ICA1: variants seen among roughly 807,000 people sequenced by gnomAD.
ICA1 encodes the protein islet cell autoantigen 1.
ICA1 carries 40 observed loss-of-function variants against 71.0 expected under a neutral mutation model. That is an observed-to-expected ratio of 0.56 (90% CI 0.44 to 0.73). The LOEUF is 0.73. Among genes scored for constraint, ICA1 ranks in the 30% least tolerant of loss-of-function variants. ICA1 has a pLI of 0.00. For missense variants in ICA1, 578 were observed against 576.5 expected, an observed-to-expected ratio of 1.00 and a Z score of -0.03; for synonymous variants, 207 against 209.5, an observed-to-expected ratio of 0.99 and a Z score of 0.10.
Position 8,198,990 on chromosome 7 carries a change from A to C in ICA1, c.579+19315T>G, listed in dbSNP as rs1788621901. On this transcript the variant is annotated intron_variant, in intron 6 of 13. Transcript: ENST00000402384. ...AGAAATGGCAAACAGGCATACAAAAAAGTGCTCAACATCGTTCATCATCAG... is the reference window on the plus strand; with the variant it reads ...AGAAATGGCAAACAGGCATACAAAACAGTGCTCAACATCGTTCATCATCAG... Among the ~76,000 whole-genome samples, 2 of 152,254 alleles carry C rather than the reference A, an allele frequency of 1.3e-5. 1 individual carries two copies. Among genetic ancestry groups the C allele is most frequent in the South Asian group, 4.1e-4 (2 of 4,834 alleles).
intron 9 of ICA1, among the ~76,000 whole-genome samples, chr7:8,143,341 T>C (rs1795845674): frequency 6.6e-6 from 1 of 152,242 alleles, no homozygotes; most frequent in Non-Finnish European, 1.5e-5. Flanking sequence ...TACTTGAAGC[T>C]GTTCTCTGTT....
At chr7:8,147,158 C>A (rs1483521742) in intron 8 of ICA1, among the ~76,000 whole-genome samples, 5 of 152,080 alleles carry the variant, frequency 3.3e-5, no homozygotes, top group Non-Finnish European at 7.4e-5. Context: ...TTGCCTAAAC[C>A]CCTGACATGC....
intron 1 of ICA1, among the ~76,000 whole-genome samples, chr7:8,247,124 C>T (rs1025680466): frequency 2.7e-5 from 4 of 150,322 alleles, no homozygotes; most frequent in African/African-American, 9.8e-5. Context: ...CTACAGCAAT[C>T]GTCCCACTTG....
chr7:8,115,621 A>T (rs1784547796), intron 13 of ICA1, among the ~76,000 whole-genome samples: 1 of 152,182 alleles, frequency 6.6e-6, no homozygotes, highest in Non-Finnish European at 1.5e-5. Flanking sequence ...AGCAGGTGCA[A>T]CTTATTTGCA....
chr7:8,217,245 C>T lies in ICA1; in HGVS notation c.579+1060G>A, dbSNP rs191742096. ...TCTGCGATCAGAAATAAAATGGACCCTGCTTTCTCTTCAGAGGGAAGGGTT... is the reference window on the plus strand; with the variant it reads ...TCTGCGATCAGAAATAAAATGGACCTTGCTTTCTCTTCAGAGGGAAGGGTT... On this transcript the variant is annotated intron_variant, in intron 6 of 13. Coordinates refer to ENST00000402384, the MANE Select transcript of ICA1 (RefSeq NM_001136020.3). Among the ~76,000 whole-genome samples the T allele has an allele frequency of 1.4e-4, 21 of 152,268 alleles. No individual in the cohort carries two copies. In the East Asian group the frequency reaches 3.7e-3, roughly 27 times the overall value.
At chr7:8,119,794 C>T (rs1051243871) in intron 13 of ICA1, among the ~76,000 whole-genome samples, 3 of 152,028 alleles carry the variant, frequency 2.0e-5, no homozygotes, top group African/African-American at 4.8e-5. Context: ...TGCAGTGAGC[C>T]GAGATCGTGC....
intron 1 of ICA1, among the ~76,000 whole-genome samples, chr7:8,257,158 C>A (rs1470836276): frequency 6.6e-6 from 1 of 152,220 alleles, no homozygotes; most frequent in African/African-American, 2.4e-5. Context: ...CAATATAGTG[C>A]TACTGTGCAC....
At chr7:8,140,893 G>A (rs1016758086) in intron 10 of ICA1, among the ~76,000 whole-genome samples, 2 of 152,176 alleles carry the variant, frequency 1.3e-5, no homozygotes, top group East Asian at 1.9e-4. Context: ...CAGAGGAGAA[G>A]TTCTAGAATC....
At chr7:8,246,069 C>G (rs576788353) in intron 1 of ICA1, among the ~76,000 whole-genome samples, 5 of 152,136 alleles carry the variant, frequency 3.3e-5, no homozygotes, top group Admixed American at 2.0e-4. Context: ...ATGAAACAAG[C>G]CCAGAAAGAA....
At chr7:8,148,365 C>A (rs1310671286) in intron 8 of ICA1, among the ~76,000 whole-genome samples, 1 of 152,112 alleles carries the variant, frequency 6.6e-6, no homozygotes, top group Non-Finnish European at 1.5e-5. Flanking sequence ...CTGTCACTCA[C>A]TGATCCACCA....
At chr7:8,224,886 C>T (rs1798137708) in intron 4 of ICA1, among the ~76,000 whole-genome samples, 1 of 152,168 alleles carries the variant, frequency 6.6e-6, no homozygotes, top group Admixed American at 6.5e-5. Context: ...CAGAATTAGA[C>T]TGTGGTTACA....
At chr7:8,122,541 T>C (rs1306988600) in intron 13 of ICA1, among the ~76,000 whole-genome samples, 2 of 152,268 alleles carry the variant, frequency 1.3e-5, no homozygotes, top group Admixed American at 1.3e-4. Context: ...TCCGTTCCAT[T>C]GCCTTGTGCT....
chr7:8,196,554 C>T (rs1045670744), intron 6 of ICA1, among the ~76,000 whole-genome samples: 1 of 152,104 alleles, frequency 6.6e-6, no homozygotes, highest in Non-Finnish European at 1.5e-5. Context: ...AAAAAATGTA[C>T]TGCACTGATG....
chr7:8,232,891 C>T (rs150921606), intron 2 of ICA1, 136 bp from the exon 3 acceptor site: 6 of 706,234 alleles, frequency 8.5e-6, no homozygotes, highest in Non-Finnish European at 1.3e-5. Context: ...TGAGCACTTT[C>T]TTATCTGGGT....
At chr7:8,249,336 C>T (rs1807305255) in intron 1 of ICA1, among the ~76,000 whole-genome samples, 1 of 152,254 alleles carries the variant, frequency 6.6e-6, no homozygotes, top group East Asian at 1.9e-4. Context: ...TGAACAAATT[C>T]TTCCACAGCA....
intron 13 of ICA1, among the ~76,000 whole-genome samples, chr7:8,120,563 G>A (rs1010997325): frequency 3.3e-5 from 5 of 152,128 alleles, no homozygotes; most frequent in African/African-American, 1.2e-4. Context: ...TTAACATGAA[G>A]GTGTGGCTAG....
rs984904642 is a variant in ICA1 at position 8,250,859 on chromosome 7, T to C, written c.-80+11235A>G. 8.5e-5 allele frequency among the ~76,000 whole-genome samples: 13 copies of C among 152,216 alleles called. 1 individual carries two copies. The highest frequency in any genetic ancestry group is 6.3e-3 in the Middle Eastern group (2 of 316). The stretch of plus-strand genomic sequence containing the variant: ...ATGCAAGCCACTGTTAAAATCTGTG[T>C]TTTCTGTTAATGAACTAAAGTCTTA... On this transcript the variant is annotated intron_variant, in intron 1 of 13. Coordinates refer to ENST00000402384, the MANE Select transcript of ICA1 (RefSeq NM_001136020.3).
chr7:8,260,321 T>C (rs968384446), intron 1 of ICA1, among the ~76,000 whole-genome samples: 1 of 152,180 alleles, frequency 6.6e-6, no homozygotes, highest in Non-Finnish European at 1.5e-5. Context: ...GATTGATCTT[T>C]ATGCACTGCG....
At chr7:8,154,871 C>T (rs550006660) in intron 8 of ICA1, among the ~76,000 whole-genome samples, 4 of 152,102 alleles carry the variant, frequency 2.6e-5, no homozygotes, top group Non-Finnish European at 5.9e-5. Flanking sequence ...ATACTTATAT[C>T]GATCTAATAG....
Sources: gnomAD v4.1 joint callset for allele counts (sites outside exome capture counted in the v4.1 genomes callset) on GRCh38, gnomAD v4.1.1 for gene constraint, MANE v1.5 for transcripts, NCBI Gene and HGNC (gene_info 2026-07-23, HGNC 2026-07-21) for gene names.